Variants in NOTCH3 observed in about 807,000 individuals in gnomAD.
The protein encoded by NOTCH3 is neurogenic locus notch homolog protein 3.
A neutral mutation model predicts 213.3 loss-of-function variants in NOTCH3; 86 were observed. That is an observed-to-expected ratio of 0.40 (90% confidence interval 0.34 to 0.48). NOTCH3 has a LOEUF of 0.48. Ranked by LOEUF, NOTCH3 falls within the 20% of genes least tolerant of loss-of-function variation. The pLI is 0.57. For missense variants in NOTCH3, 2,783 were observed against 3,272.6 expected, an observed-to-expected ratio of 0.85 and a Z score of 3.65; for synonymous variants, 1,354 against 1,355.9, an observed-to-expected ratio of 1.00 and a Z score of 0.03.
intron 6 of NOTCH3, 113 bp from the exon 7 acceptor site, chr19:15,189,541 G>C: frequency 1.5e-6 from 2 of 1,336,290 alleles, no homozygotes; most frequent in Non-Finnish European, 2.1e-6. Context: ...TTTTTGAGAC[G>C]AAGTTTCGCT....
At chr19:15,179,321 G>A (rs1482719392) in intron 21 of NOTCH3, 39 bp from the exon 22 acceptor site, 1 of 1,611,092 alleles carries the variant, frequency 6.2e-7, no homozygotes, top group African/African-American at 1.3e-5. Context: ...AGGGAATGAA[G>A]ACAGCCTCTC....
At chr19:15,162,074 C>T (rs939314588) in intron 32 of NOTCH3, among the ~76,000 whole-genome samples, 4 of 143,556 alleles carry the variant, frequency 2.8e-5, no homozygotes, top group South Asian at 4.4e-4. Flanking sequence ...CTCAGCCTTC[C>T]GGGTTCAAGC....
rs572615224 is a variant in NOTCH3 at position 15,165,385 on chromosome 19, T to G, written c.5798A>C (p.Asn1933Thr). The stretch of plus-strand genomic sequence containing the variant: ...CAACCTACCAAGCTCATCCACAGCA[T>G]TGACATCAGCATGGCTGGCGATGAG... ...EELIASHADV[N>T]AVDELGKSAL... The change falls in exon 31 of 33, where the codon AAT becomes ACT. Residue 1933 changes from asparagine (N) to threonine (T), a missense_variant. Asn to Thr is a moderately conservative substitution (Grantham distance 65). Coordinates refer to ENST00000263388, the MANE Select transcript of NOTCH3 (RefSeq NM_000435.3). The surrounding 1 kb of genome is among the most constrained non-coding windows in gnomAD (Gnocchi z 4.7). 6.2e-7 allele frequency: 1 copy of G among 1,607,832 alleles called. No homozygotes were observed. Among genetic ancestry groups the G allele is most frequent in the African/African-American group, 1.3e-5 (1 of 74,932 alleles).
At chr19:15,170,926 G>T in intron 25 of NOTCH3, 101 bp from the exon 26 acceptor site, 6 of 1,337,924 alleles carry the variant, frequency 4.5e-6, no homozygotes, top group Non-Finnish European at 6.2e-6. Flanking sequence ...GCTCTGAAGC[G>T]CCATCTCCAC....
rs1024552638 is a variant in NOTCH3, at chr19:15,175,448, A to C, written c.4404-1048T>G. Among the ~76,000 whole-genome samples the C allele has an allele frequency of 4.7e-5, 7 of 148,662 alleles. 1 individual carries two copies. Among genetic ancestry groups the C allele is most frequent in the African/African-American group, 1.7e-4 (7 of 40,422 alleles). ...ACTCGGGAAGCTGAGGCAGGAGAATAGCTTGAACCCAGGAGGTGGAGGTTG... is the reference window on the plus strand; with the variant it reads ...ACTCGGGAAGCTGAGGCAGGAGAATCGCTTGAACCCAGGAGGTGGAGGTTG... On this transcript the variant is annotated intron_variant, in intron 24 of 32. Coordinates refer to ENST00000263388, the MANE Select transcript of NOTCH3 (RefSeq NM_000435.3).
chr19:15,187,209 C>T lies in NOTCH3; in HGVS notation c.1736G>A (p.Cys579Tyr), dbSNP rs2145433000. 2 of 1,614,104 alleles carry T rather than the reference C, an allele frequency of 1.2e-6. No homozygotes were observed. The highest frequency in any genetic ancestry group is 1.3e-5 in the African/African-American group (1 of 75,072). ...ACAPGYTGTRCESQVDECRSQ... is the reference protein window; with the variant it reads ...ACAPGYTGTRYESQVDECRSQ... ...GCGGCATTCGTCCACCTGGCTCTCGCAGCGTGTGCCCGTGTAGCCAGGAGC... is the reference window on the plus strand; with the variant it reads ...GCGGCATTCGTCCACCTGGCTCTCGTAGCGTGTGCCCGTGTAGCCAGGAGC... The change falls in exon 11 of 33, where the codon TGC becomes TAC. Residue 579 changes from cysteine (C) to tyrosine (Y), a missense_variant. Cys to Tyr is a radical substitution (Grantham distance 194). This residue lies in a region of NOTCH3 where 708 missense variants were observed against 906.6 expected (regional missense o/e 0.78). Transcript: ENST00000263388.
Position 15,161,124 on chromosome 19 carries a change from C to G in NOTCH3, c.6504G>C (p.Val2168=), listed in dbSNP as rs546608637. 5.1e-5 allele frequency: 78 copies of G among 1,539,674 alleles called. No individual in the cohort carries two copies. In the African/African-American group the frequency reaches 8.9e-4, roughly 17 times the overall value. ...LSLGLLNPVA[V]PLDWARLPPP... ...GGGGCAGCCGGGCCCAATCGAGGGG[C>G]ACAGCCACAGGGTTCAGCAGGCCCA... The change falls in exon 33 of 33, where the codon GTG becomes GTC. Residue 2168 remains valine, a synonymous_variant. Coordinates refer to ENST00000263388, the MANE Select transcript of NOTCH3 (RefSeq NM_000435.3).
At chr19:15,173,744 A>AAGAAGAAGAAG (rs1568351744) in intron 25 of NOTCH3, among the ~76,000 whole-genome samples, 1 of 2,946 alleles carries the variant, frequency 3.4e-4, no homozygotes, top group African/African-American at 2.4e-3. Context: ...AAAAAAAAGA[A>AAGAAGAAGAAG]AAGAAGAAGG....
In NOTCH3 at chr19:15,184,430, C is replaced by T; in HGVS notation, c.2431G>A (p.Val811Met). ...GGTGCGGGGCCAGCACACTCGTCCA[C>T]ATCCTGCTGGCATCGTGGGCCTGGG... The part of the protein sequence containing the change: ...GWQGPRCQQD[V>M]DECAGPAPCG... The change falls in exon 16 of 33, where the codon GTG becomes ATG. Residue 811 changes from valine to methionine, a missense_variant. By Grantham distance (21) the Val-to-Met change is conservative. Transcript: ENST00000263388. The T allele has an allele frequency of 6.2e-7, 1 of 1,613,894 alleles. No individual in the cohort carries two copies. Among genetic ancestry groups the T allele is most frequent in the Non-Finnish European group, 8.5e-7 (1 of 1,179,892 alleles).
At chr19:15,161,822 G>T in intron 32 of NOTCH3, 108 bp from the exon 33 acceptor site, 2 of 935,610 alleles carry the variant, frequency 2.1e-6, no homozygotes, top group South Asian at 1.6e-5. Flanking sequence ...ACTGGAGCTT[G>T]ACAGACCTGG....
At chr19:15,192,994 C>A (rs1209532175) in intron 2 of NOTCH3, among the ~76,000 whole-genome samples, 2 of 152,128 alleles carry the variant, frequency 1.3e-5, no homozygotes, top group Non-Finnish European at 2.9e-5. Flanking sequence ...CTGAGCAATA[C>A]AAATACAGCA....
chr19:15,167,206 G>C, intron 29 of NOTCH3, 43 bp downstream of exon 29: 1 of 1,593,820 alleles, frequency 6.3e-7, no homozygotes, highest in Non-Finnish European at 8.6e-7. Context: ...TCACAGGTAG[G>C]ATGGGTGAGG....
rs759805091 is a variant in NOTCH3, at chr19:15,167,211, G to C, written c.5362+38C>G. On this transcript the variant is annotated intron_variant, in intron 29 of 32. Transcript: ENST00000263388. The stretch of plus-strand genomic sequence containing the variant: ...AAATAACCTCTCACAGGTAGGATGG[G>C]TGAGGGGCATCCCTTTGGGAGGGGC... 9 of 1,602,104 alleles carry C rather than the reference G, an allele frequency of 5.6e-6. No homozygotes were observed. In the East Asian group the frequency reaches 1.8e-4, roughly 32 times the overall value.
At position 15,170,774 on chromosome 19, in the gene NOTCH3, C is replaced by T. The variant is rs1408334111; in HGVS notation, c.4788G>A (p.Glu1596=). ...GGGCATCGGGGAAGCAGTGATCATT[C>T]TCAGGCGACTGCAGGCAGAGCCGGT... The part of the protein sequence containing the change: ...IDNRLCLQSP[E]NDHCFPDAQS... Residue 1596 remains glutamate (E), a synonymous_variant, in exon 26 of 33, where the codon GAG becomes GAA. Coordinates refer to ENST00000263388, the MANE Select transcript of NOTCH3 (RefSeq NM_000435.3). The T allele has an allele frequency of 3.1e-6, 5 of 1,612,964 alleles. No individual in the cohort carries two copies. The highest frequency in any genetic ancestry group is 1.3e-5 in the African/African-American group (1 of 74,930).
chr19:15,166,492 T>C (rs1490240283), intron 29 of NOTCH3, among the ~76,000 whole-genome samples: 7 of 117,798 alleles, frequency 5.9e-5, no homozygotes, highest in African/African-American at 2.1e-4. Context: ...GCCAATTCAT[T>C]TGAGTGTTTT....
At position 15,161,171 on chromosome 19, in the gene NOTCH3, G is replaced by T. The variant is rs1301743134; in HGVS notation, c.6457C>A (p.Pro2153Thr). ...CCCAGGCTGAGTACACATCCTCCAG[G>T]GGGCTGGCGCCCTAGACCCGCCCGG... is the stretch of plus-strand genomic sequence containing the variant. Reference protein sequence around the residue: ...PGRAGLGRQPPGGCVLSLGLL... With the variant: ...PGRAGLGRQPTGGCVLSLGLL... The change falls in exon 33 of 33, where the codon CCT (proline) becomes ACT (threonine). Residue 2153 changes from proline to threonine, a missense_variant. This residue lies in a region of NOTCH3 where 441 missense variants were observed against 432.1 expected (regional missense o/e 1.02). Transcript: ENST00000263388. 6.5e-7 allele frequency: 1 copy of T among 1,539,396 alleles called. No homozygotes were observed. The highest frequency in any genetic ancestry group is 8.7e-7 in the Non-Finnish European group (1 of 1,148,738).
In NOTCH3 at chr19:15,189,395, C is replaced by A. The variant is rs1003059377; in HGVS notation, c.1070G>T (p.Ser357Ile). The change falls in exon 7 of 33, where the codon AGC (serine) becomes ATC (isoleucine). Residue 357 changes from serine (S) to isoleucine (I), a missense_variant. Ser to Ile is a moderately radical substitution (Grantham distance 142). Around this residue, in one of 6 missense-constraint regions of NOTCH3, gnomAD observed 708 missense variants for 906.6 expected, o/e 0.78. Transcript: ENST00000263388. ...LLCHLDDACV[S>I]NPCHEDAICD... ...GATAGCATCCTCGTGGCAGGGGTTG[C>A]TGACACAGGCGTCATCCAGGTGACA... The A allele has an allele frequency of 6.2e-7, 1 of 1,613,880 alleles. No individual in the cohort carries two copies. The highest frequency in any genetic ancestry group is 8.5e-7 in the Non-Finnish European group (1 of 1,180,046).
chr19:15,169,861 G>T (rs1390963702), intron 28 of NOTCH3, among the ~76,000 whole-genome samples: 1 of 152,184 alleles, frequency 6.6e-6, no homozygotes, highest in Non-Finnish European at 1.5e-5. Context: ...TTTTCCACCT[G>T]CCCGGAGGGA....
At chr19:15,178,976 G>A in intron 22 of NOTCH3, 35 bp from the exon 23 acceptor site, 1 of 1,614,052 alleles carries the variant, frequency 6.2e-7, no homozygotes, top group Non-Finnish European at 8.5e-7. Flanking sequence ...CAGCCACAAT[G>A]GGGGAATGAC....
Sources: allele counts gnomAD v4.1 joint callset (sites outside exome capture counted in the v4.1 genomes callset), GRCh38; gene constraint gnomAD v4.1.1; regional missense constraint gnomAD v4.1.1; non-coding constraint Gnocchi (gnomAD v3.1); transcripts MANE v1.5; gene names NCBI Gene and HGNC (gene_info 2026-07-23, HGNC 2026-07-21).